Variants in MYRIP observed in about 807,000 individuals in gnomAD.
MYRIP encodes the protein myosin VIIA and Rab interacting protein.
In MYRIP, 49 loss-of-function variants were observed where a neutral mutation model predicts 98.0. The ratio of observed to expected loss-of-function variants is 0.50; its 90% CI spans 0.40 to 0.63. The LOEUF is 0.63. Ranked by LOEUF, MYRIP falls within the 30% of genes least tolerant of loss-of-function variation. The pLI is 0.00. For synonymous variants in MYRIP, 404 were observed against 409.5 expected (o/e 0.99, Z 0.16); for missense variants, 1,004 against 1,058.2 (o/e 0.95, Z 0.71).
chr3:40,075,523 A>T (rs1056113408), intron 3 of MYRIP, among the ~76,000 whole-genome samples: 1 of 152,232 alleles, frequency 6.6e-6, no homozygotes, highest in Non-Finnish European at 1.5e-5. Context: ...GAGGCAAGTT[A>T]TTCAGCCTCT....
chr3:40,000,936 C>T (rs930971831), intron 2 of MYRIP, among the ~76,000 whole-genome samples: 4 of 152,174 alleles, frequency 2.6e-5, no homozygotes, highest in African/African-American at 9.6e-5. Flanking sequence ...CCTGGGAAAA[C>T]ATGTTTTCTT....
chr3:39,994,057 G>A (rs996909853), intron 2 of MYRIP, among the ~76,000 whole-genome samples: 9 of 152,334 alleles, frequency 5.9e-5, no homozygotes, highest in African/African-American at 1.9e-4. Context: ...ACTTTTAGAG[G>A]TGGAGCCAAG....
intron 3 of MYRIP, among the ~76,000 whole-genome samples, chr3:40,062,129 G>A (rs9865091): frequency 0.37 from 56,696 of 151,998 alleles, 10,705 homozygotes; most frequent in East Asian, 0.58. Context: ...TTTTGCTTTT[G>A]TTGCAATTTC....
rs765967659 is a variant in MYRIP at position 39,994,538 on chromosome 3, G to A, written c.111-49512G>A. ...GCTTGAGTAGGTAAACAAAGTGGCC[G>A]GGAAGCTGGAACTGGGTGGAGCCCA... On this transcript the variant is annotated intron_variant, in intron 2 of 16. Transcript: ENST00000302541. Among the ~76,000 whole-genome samples, 146 of 152,326 alleles carry A rather than the reference G, an allele frequency of 9.6e-4. 1 individual carries two copies. The highest frequency in any genetic ancestry group is 2.0e-3 in the African/African-American group (82 of 41,580).
At chr3:40,057,778 T>C (rs1575502008) in intron 3 of MYRIP, among the ~76,000 whole-genome samples, 1 of 152,346 alleles carries the variant, frequency 6.6e-6, no homozygotes, top group Middle Eastern at 3.4e-3. Context: ...CTTTTGGGGT[T>C]CTTTTCCATC....
At chr3:40,040,994 G>GAAAAAAAAAAAAAAAAAAAAAA (rs1322717456) in intron 2 of MYRIP, among the ~76,000 whole-genome samples, 1 of 8,244 alleles carries the variant, frequency 1.2e-4, no homozygotes, top group South Asian at 5.7e-3. Flanking sequence ...AAAAAAAAAA[G>GAAAAAAAAAAAAAAAAAAAAAA]AAAAAAAAAA....
At chr3:40,163,564 A>G (rs1950441526) in intron 5 of MYRIP, among the ~76,000 whole-genome samples, 1 of 152,220 alleles carries the variant, frequency 6.6e-6, no homozygotes, top group Non-Finnish European at 1.5e-5. Context: ...ACAAAAAGGC[A>G]GAGGAAGGGT....
chr3:39,955,363 G>A (rs1309603272), intron 2 of MYRIP, among the ~76,000 whole-genome samples: 1 of 152,020 alleles, frequency 6.6e-6, no homozygotes, highest in Non-Finnish European at 1.5e-5. Context: ...AGAGAGTGGG[G>A]GCCAATATTC....
At chr3:39,845,570 C>A (rs957924530) in intron 1 of MYRIP, among the ~76,000 whole-genome samples, 7 of 152,026 alleles carry the variant, frequency 4.6e-5, no homozygotes, top group Non-Finnish European at 1.0e-4. Context: ...TTATTTAGTA[C>A]GAATAGTTGA....
chr3:39,890,622 G>C (rs998243957), intron 1 of MYRIP, among the ~76,000 whole-genome samples: 1 of 148,422 alleles, frequency 6.7e-6, no homozygotes, highest in African/African-American at 2.5e-5. Flanking sequence ...AGGGGCTGTG[G>C]TCCAGGTTAG....
At chr3:40,211,178 C>T (rs1316132379) in intron 11 of MYRIP, among the ~76,000 whole-genome samples, 2 of 152,174 alleles carry the variant, frequency 1.3e-5, no homozygotes, top group African/African-American at 4.8e-5. Context: ...AAATCACAGG[C>T]CCCTTCCTTT....
intron 3 of MYRIP, among the ~76,000 whole-genome samples, chr3:40,116,278 T>A (rs1616490): frequency 0.82 from 123,977 of 152,052 alleles, 50,615 homozygotes; most frequent in Admixed American, 0.87. Flanking sequence ...CCTCCATGAG[T>A]TGTGTAGACC....
chr3:39,913,541 C>A (rs1375856937), intron 2 of MYRIP, among the ~76,000 whole-genome samples: 1 of 152,144 alleles, frequency 6.6e-6, no homozygotes, highest in African/African-American at 2.4e-5. Context: ...AAAAACTCAG[C>A]TTTTATATAC....
intron 13 of MYRIP, chr3:40,248,446 A>G (rs1222423044): frequency 1.3e-5 from 2 of 152,182 alleles, no homozygotes; most frequent in Admixed American, 6.5e-5. Context: ...CTTCTAGCAA[A>G]TGTATAGCTC....
Position 40,250,327 on chromosome 3 carries a change from G to T in MYRIP, c.2367+1G>T. ...ACGGGATCAGAAGCAAAGGACCCAG[G>T]TGTGTTTGTCCCTTTCTCCCTCTGT... is the stretch of plus-strand genomic sequence containing the variant. On this transcript the variant is annotated splice_donor_variant, in intron 14 of 16. Transcript: ENST00000302541. LOFTEE classifies it high-confidence loss of function. 2 of 1,613,666 alleles carry T rather than the reference G, an allele frequency of 1.2e-6. No homozygotes were observed. Among genetic ancestry groups the T allele is most frequent in the Non-Finnish European group, 1.7e-6 (2 of 1,179,580 alleles).
intron 2 of MYRIP, among the ~76,000 whole-genome samples, chr3:39,988,150 G>A (rs935939483): frequency 1.9e-4 from 29 of 152,182 alleles, no homozygotes; most frequent in Admixed American, 1.8e-3. Context: ...TCACACTCTG[G>A]GGACTGTTGT....
intron 2 of MYRIP, among the ~76,000 whole-genome samples, chr3:40,006,268 A>G (rs1053142493): frequency 6.6e-6 from 1 of 152,106 alleles, no homozygotes; most frequent in Non-Finnish European, 1.5e-5. Context: ...GAGAAGGAAA[A>G]TAGAAGGAGA....
At chr3:39,861,319 G>A (rs1175182383) in intron 1 of MYRIP, among the ~76,000 whole-genome samples, 1 of 152,040 alleles carries the variant, frequency 6.6e-6, no homozygotes, top group African/African-American at 2.4e-5. Flanking sequence ...CATCAAAGAG[G>A]ATAAAAGAAA....
At chr3:39,885,699 T>C (rs1301427317) in intron 1 of MYRIP, among the ~76,000 whole-genome samples, 1 of 152,102 alleles carries the variant, frequency 6.6e-6, no homozygotes, top group Non-Finnish European at 1.5e-5. Context: ...CTTGTTTCTT[T>C]TTATTCTTTT....
Sources: allele counts gnomAD v4.1 joint callset (sites outside exome capture counted in the v4.1 genomes callset), GRCh38; gene constraint gnomAD v4.1.1; transcripts MANE v1.5; gene names NCBI Gene and HGNC (gene_info 2026-07-23, HGNC 2026-07-21).